Variants in MYO7A observed in about 807,000 individuals in gnomAD.
MYO7A encodes unconventional myosin-VIIa.
Under a neutral mutation model 263.8 loss-of-function variants are expected in MYO7A, and 210 were observed. The observed-to-expected ratio is 0.80, with a 90% CI of 0.71 to 0.89. MYO7A has a LOEUF of 0.89. Ranked by LOEUF, MYO7A falls within the 40% of genes least tolerant of loss-of-function variation. The pLI is 0.00. For synonymous variants in MYO7A, 1,239 were observed against 1,197.3 expected (o/e 1.03, Z -0.72); for missense variants, 2,820 against 2,968.3 (o/e 0.95, Z 1.16).
At chr11:77,131,473 CATTCTTCT>C (rs1233349282) in intron 2 of MYO7A, among the ~76,000 whole-genome samples, 3 of 152,236 alleles carry the variant, frequency 2.0e-5, no homozygotes, top group Admixed American at 6.5e-5. Context: ...TCAGGACAGA[CATTCTTCT>C]ATCCCAGGGG....
rs782134748 is a variant in MYO7A, at chr11:77,157,411, C to G, written c.849+19C>G. On this transcript the variant is annotated intron_variant, in intron 8 of 48. Coordinates refer to ENST00000409709, the MANE Select transcript of MYO7A (RefSeq NM_000260.4). ...GGCCATGGTGAGGCCCAGGTGGGCC[C>G]CTGGGTAGGGGGGCACCCACCCTAG... 1 of 1,566,470 alleles carries G rather than the reference C, an allele frequency of 6.4e-7. No homozygotes were observed. Among genetic ancestry groups the G allele is most frequent in the Admixed American group, 1.8e-5 (1 of 55,370 alleles).
chr11:77,207,534 A>C, intron 42 of MYO7A, 132 bp downstream of exon 42: 1 of 722,628 alleles, frequency 1.4e-6, no homozygotes, highest in Non-Finnish European at 2.4e-6. Context: ...ATCTTCTTCC[A>C]TCCCTGCAGC....
chr11:77,183,608 C>T (rs933505696), intron 26 of MYO7A, among the ~76,000 whole-genome samples: 8 of 152,318 alleles, frequency 5.3e-5, no homozygotes, highest in Admixed American at 5.2e-4. Flanking sequence ...AGCCCTTGTG[C>T]TCTGGGGTTG....
Position 77,189,429 on chromosome 11 carries a change from C to G in MYO7A, c.3589C>G (p.Leu1197Val), listed in dbSNP as rs1237647614. 3 of 1,613,808 alleles carry G rather than the reference C, an allele frequency of 1.9e-6. No individual in the cohort carries two copies. Among genetic ancestry groups the G allele is most frequent in the African/African-American group, 1.3e-5 (1 of 74,934 alleles). Residue 1197 changes from leucine to valine, a missense_variant, in exon 28 of 49, where the codon CTC becomes GTC. Coordinates refer to ENST00000409709, the MANE Select transcript of MYO7A (RefSeq NM_000260.4). ...SYARGWILVS[L>V]CVGCFAPSEK... ...TGCCCGGGGCTGGATTCTCGTGTCT[C>G]TCTGCGTGGGCTGTTTCGCCCCCTC...
chr11:77,164,922 A>G (rs1555071569), intron 14 of MYO7A, among the ~76,000 whole-genome samples: 1 of 152,172 alleles, frequency 6.6e-6, no homozygotes, highest in African/African-American at 2.4e-5. Flanking sequence ...TTCTACCAGC[A>G]TTTTCTAGTT....
rs190630083 is a variant in MYO7A, at chr11:77,159,786, G to A, written c.1080+263G>A. Among the ~76,000 whole-genome samples, 5 of 152,328 alleles carry A rather than the reference G, an allele frequency of 3.3e-5. No individual in the cohort carries two copies. The East Asian group carries it at 9.7e-4, about 29-fold the overall frequency. On this transcript the variant is annotated intron_variant, in intron 10 of 48. Transcript: ENST00000409709. ...TGGGTGAGTCATCCCTGCCCTCTGG[G>A]CCTCAGTCTCCACATCTGGGCAAAG...
At chr11:77,178,330 C>G (rs553527814) in intron 19 of MYO7A, among the ~76,000 whole-genome samples, 83 of 82,706 alleles carry the variant, frequency 1.0e-3, no homozygotes, top group African/African-American at 3.8e-3. Context: ...CCCACCAACC[C>G]ATCCACCATC....
chr11:77,137,943 G>A (rs782801560), intron 2 of MYO7A, among the ~76,000 whole-genome samples: 2 of 152,136 alleles, frequency 1.3e-5, no homozygotes, highest in African/African-American at 2.4e-5. Context: ...GGAGTTTACC[G>A]CGTTCTAGTC....
At position 77,204,123 on chromosome 11, in the gene MYO7A, G is replaced by A. The variant is rs369424114; in HGVS notation, c.5374G>A (p.Val1792Ile). 257 of 1,600,264 alleles carry A rather than the reference G, an allele frequency of 1.6e-4. No individual in the cohort carries two copies. The South Asian group carries it at 2.3e-3, about 15-fold the overall frequency. Residue 1792 changes from valine (V) to isoleucine (I), a missense_variant, in exon 39 of 49, where the codon GTC becomes ATC. Physicochemically the swap from Val to Ile is conservative, Grantham distance 29 (BLOSUM62 3). Coordinates refer to ENST00000409709, the MANE Select transcript of MYO7A (RefSeq NM_000260.4). ...CTACCCGTCCAAGAGGACACGCTCC[G>A]TCAACGAGCTCACCGACCAGATCTT... ...GDYPSKRTRS[V>I]NELTDQIFEG...
intron 43 of MYO7A, 60 bp from the exon 44 acceptor site, chr11:77,208,637 G>C (rs1445144947): frequency 1.3e-6 from 2 of 1,504,348 alleles, no homozygotes; most frequent in South Asian, 2.4e-5. Context: ...GTCTGGGCTC[G>C]GGACGTGAGC....
At chr11:77,140,751 A>G (rs2135595757) in intron 2 of MYO7A, among the ~76,000 whole-genome samples, 1 of 152,340 alleles carries the variant, frequency 6.6e-6, no homozygotes, top group South Asian at 2.1e-4. Flanking sequence ...TACGGGATGC[A>G]GCCTGTGGAG....
At chr11:77,163,796 A>G (rs1351108151) in intron 14 of MYO7A, among the ~76,000 whole-genome samples, 1 of 147,898 alleles carries the variant, frequency 6.8e-6, no homozygotes, top group East Asian at 2.0e-4. Flanking sequence ...TTGTGTGGAT[A>G]AACCTTTTGT....
At chr11:77,182,692 G>T in intron 25 of MYO7A, 92 bp downstream of exon 25, 1 of 992,518 alleles carries the variant, frequency 1.0e-6, no homozygotes, top group Non-Finnish European at 1.5e-6. Context: ...TGCAGAAAAA[G>T]GATCCTATAA....
At chr11:77,142,566 C>G in intron 2 of MYO7A, 143 bp from the exon 3 acceptor site, 1 of 736,634 alleles carries the variant, frequency 1.4e-6, no homozygotes, top group Non-Finnish European at 2.4e-6. Flanking sequence ...CAGAAGGTTG[C>G]TAGTAAGTGT....
chr11:77,164,712 A>G (rs1266456700), intron 14 of MYO7A, among the ~76,000 whole-genome samples: 2 of 152,250 alleles, frequency 1.3e-5, no homozygotes, highest in Non-Finnish European at 2.9e-5. Context: ...CTTAGCATCT[A>G]TTATGTACCA....
Position 77,211,294 on chromosome 11 carries a change from C to T in MYO7A, c.6194C>T (p.Pro2065Leu). ...SIPKLLRELV[P>L]QDLIRQVSPD... ...CCCAAGCTGCTGCGGGAGCTGGTGC[C>T]CCAGGACCTTATCCGGCAGGTCTCA... is the stretch of plus-strand genomic sequence containing the variant. The change falls in exon 45 of 49, where the codon CCC becomes CTC. Residue 2065 changes from proline (P) to leucine (L), a missense_variant. By Grantham distance (98) the Pro-to-Leu change is moderately conservative (BLOSUM62 -3). Transcript: ENST00000409709. 1 of 1,582,974 alleles carries T rather than the reference C, an allele frequency of 6.3e-7. No individual in the cohort carries two copies. The highest frequency in any genetic ancestry group is 8.6e-7 in the Non-Finnish European group (1 of 1,164,894).
chr11:77,149,060 G>A (rs1206144154), intron 4 of MYO7A, among the ~76,000 whole-genome samples: 2 of 152,202 alleles, frequency 1.3e-5, no homozygotes, highest in African/African-American at 4.8e-5. Flanking sequence ...GACAACTGCT[G>A]CTCTAGCCCA....
intron 48 of MYO7A, among the ~76,000 whole-genome samples, chr11:77,214,228 G>A (rs540462586): frequency 1.3e-5 from 2 of 152,270 alleles, no homozygotes; most frequent in Non-Finnish European, 2.9e-5. Flanking sequence ...TCTGGGGATC[G>A]GGCCCACTGT....
Position 77,208,458 on chromosome 11 carries a change from T to C in MYO7A, c.5885T>C (p.Phe1962Ser). The C allele has an allele frequency of 6.2e-7, 1 of 1,613,734 alleles. No homozygotes were observed. The highest frequency in any genetic ancestry group is 8.5e-7 in the Non-Finnish European group (1 of 1,179,722). The change falls in exon 43 of 49, where the codon TTC becomes TCC. Residue 1962 changes from phenylalanine to serine, a missense_variant. Phe to Ser is a radical substitution (Grantham distance 155). Coordinates refer to ENST00000409709, the MANE Select transcript of MYO7A (RefSeq NM_000260.4). Reference protein sequence around the residue: ...KVLSVPENDFFFDFVRHLTDW... With the variant: ...KVLSVPENDFSFDFVRHLTDW... ...CTCAGCGTTCCTGAGAATGACTTCTTCTTTGACTTTGTTCGACACTTGACA... is the reference window on the plus strand; with the variant it reads ...CTCAGCGTTCCTGAGAATGACTTCTCCTTTGACTTTGTTCGACACTTGACA...
Sources: allele counts gnomAD v4.1 joint callset (sites outside exome capture counted in the v4.1 genomes callset), GRCh38; gene constraint gnomAD v4.1.1; transcripts MANE v1.5; gene names NCBI Gene and HGNC (gene_info 2026-07-23, HGNC 2026-07-21).